Variants in DDX60 observed in about 807,000 individuals in gnomAD.
DDX60 encodes DExD/H-box helicase 60, also known as probable ATP-dependent RNA helicase DDX60.
DDX60 carries 165 observed loss-of-function variants against 212.8 expected under a neutral mutation model. That is an observed-to-expected ratio of 0.78 (90% confidence interval 0.68 to 0.88). DDX60 has a LOEUF of 0.88. DDX60 is among the 40% of genes least tolerant of loss of function. The pLI, the probability that DDX60 is intolerant of heterozygous loss-of-function variation, is 0.00. For synonymous variants in DDX60, 703 were observed against 685.3 expected, an observed-to-expected ratio of 1.03 and a Z score of -0.40; for missense variants, 1,905 against 2,003.9, an observed-to-expected ratio of 0.95 and a Z score of 0.94.
chr4:168,291,043 C>T (rs185380147), intron 8 of DDX60, among the ~76,000 whole-genome samples: 2 of 152,204 alleles, frequency 1.3e-5, no homozygotes, highest in Admixed American at 1.3e-4. Flanking sequence ...AAGGCTTATA[C>T]ACAAAGAGAA....
chr4:168,262,912 A>C (rs555947295), intron 22 of DDX60, 125 bp from the exon 23 acceptor site: 2 of 558,526 alleles, frequency 3.6e-6, no homozygotes, highest in African/African-American at 3.9e-5. Flanking sequence ...AAATGCTGAT[A>C]GGTGCTAAAT....
intron 19 of DDX60, among the ~76,000 whole-genome samples, chr4:168,271,760 G>T (rs968341028): frequency 2.0e-5 from 3 of 152,132 alleles, no homozygotes; most frequent in African/African-American, 7.2e-5. Context: ...AGGGAAACTT[G>T]TACCAGGATG....
intron 36 of DDX60, among the ~76,000 whole-genome samples, chr4:168,221,436 A>C (rs903482327): frequency 6.6e-6 from 1 of 152,196 alleles, no homozygotes; most frequent in African/African-American, 2.4e-5. Context: ...GAGAGTAATA[A>C]ATACAAATAT....
intron 22 of DDX60, among the ~76,000 whole-genome samples, chr4:168,266,903 T>C (rs1392526579): frequency 2.0e-5 from 3 of 152,216 alleles, no homozygotes. Context: ...AATCTTATGA[T>C]GGATGTCTTA....
At chr4:168,255,891 G>A (rs373085748) in intron 25 of DDX60, 22 bp from the exon 26 acceptor site, 142 of 1,562,460 alleles carry the variant, frequency 9.1e-5, no homozygotes, top group Middle Eastern at 1.7e-4. Flanking sequence ...AAGAATGTGC[G>A]CCTTGAAAAT....
At position 168,267,993 on chromosome 4, in the gene DDX60, T is replaced by C. The variant is rs1579022826; in HGVS notation, c.2787-10A>G. ...TACCGATTGTAGCCACCTTAAAAAA[T>C]AAATGTACATATTATTTAGGCAGAA... On this transcript the variant is annotated splice_polypyrimidine_tract_variant and intron_variant, in intron 20 of 37. Transcript: ENST00000393743. 1.9e-6 allele frequency: 3 copies of C among 1,602,442 alleles called. No homozygotes were observed. The highest frequency in any genetic ancestry group is 1.1e-5 in the South Asian group (1 of 88,800).
chr4:168,243,864 T>A (rs1578991305), intron 30 of DDX60, among the ~76,000 whole-genome samples: 1 of 150,522 alleles, frequency 6.6e-6, no homozygotes, highest in Admixed American at 6.6e-5. Flanking sequence ...CAAATGCCCA[T>A]TAACAATAGA....
At chr4:168,298,953 G>A (rs1315102131) in intron 6 of DDX60, among the ~76,000 whole-genome samples, 1 of 151,986 alleles carries the variant, frequency 6.6e-6, no homozygotes, top group Non-Finnish European at 1.5e-5. Flanking sequence ...ATGAGGTCAA[G>A]AGATTGAAAC....
rs774764702 is a variant in DDX60 at position 168,286,416 on chromosome 4, A to ACACACACACC, written c.1339+631_1339+632insGGTGTGTGTG. ...CACACACACACACACACACACACACACCACACGAGATAGATAGATAGATAG... is the reference window on the plus strand; with the variant it reads ...CACACACACACACACACACACACACACACACACACCCCACACGAGATAGATAGATAGATAG... On this transcript the variant is annotated intron_variant, in intron 10 of 37. Coordinates refer to ENST00000393743, the MANE Select transcript of DDX60 (RefSeq NM_017631.6). Among the ~76,000 whole-genome samples the ACACACACACC allele has an allele frequency of 1.5e-3, 171 of 115,816 alleles. 1 individual carries two copies. The highest frequency in any genetic ancestry group is 4.5e-3 in the East Asian group (22 of 4,910). 76.0% of individuals were successfully genotyped at this position (115,816 alleles called of 152,430 possible).
At position 168,220,684 on chromosome 4, in the gene DDX60, CT is replaced by C; in HGVS notation, c.5009del (p.Lys1670ArgfsTer27). On this transcript the variant is annotated frameshift_variant, in exon 37 of 38. Coordinates refer to ENST00000393743, the MANE Select transcript of DDX60 (RefSeq NM_017631.6). LOFTEE classifies it high-confidence loss of function. ...TAGATTTAATGGTGAGTGCAAAATC[CT>C]TCAACAAATAATAAGCATCTCCTTC... is the stretch of plus-strand genomic sequence containing the variant. ...MNEGDAYYLLKDFALTIKSIS... is the reference protein window; with the variant it reads ...MNEGDAYYLLXDFALTIKSIS... 6.9e-7 allele frequency: 1 copy of C among 1,455,888 alleles called. No homozygotes were observed. Among genetic ancestry groups the C allele is most frequent in the Middle Eastern group, 2.1e-4 (1 of 4,858 alleles). 90.2% of individuals were successfully genotyped at this position (1,455,888 alleles called of 1,614,324 possible). A position where few individuals can be genotyped will look rare whatever the true frequency, so the allele number is the denominator to read the frequency against.
intron 37 of DDX60, among the ~76,000 whole-genome samples, chr4:168,220,116 A>C (rs1270947113): frequency 6.6e-6 from 1 of 152,180 alleles, no homozygotes; most frequent in Non-Finnish European, 1.5e-5. Flanking sequence ...AGAATGGGGT[A>C]CCCACATAAA....
chr4:168,273,564 T>C (rs1735194883), intron 17 of DDX60, among the ~76,000 whole-genome samples, 166 bp from the exon 18 acceptor site: 1 of 152,312 alleles, frequency 6.6e-6, no homozygotes, highest in African/African-American at 2.4e-5. Flanking sequence ...CTCTTTGAGA[T>C]AGTTGACTCA....
At chr4:168,298,624 T>C (rs1477148873) in intron 6 of DDX60, among the ~76,000 whole-genome samples, 1 of 152,082 alleles carries the variant, frequency 6.6e-6, no homozygotes, top group East Asian at 1.9e-4. Flanking sequence ...AGAAACTCTA[T>C]AGAGAAACTC....
chr4:168,276,146 C>A lies in DDX60; in HGVS notation c.2014G>T (p.Val672Leu). ...ATCAAGGAGTGGATCCTTTTCATCA[C>A]CTGAACAGCTATACTTAAATCTTTC... ...TTKDLSIAVQ[V>L]MKRIHSLMEK... Residue 672 changes from valine to leucine, a missense_variant, in exon 15 of 38, where the codon GTG (valine) becomes TTG (leucine). By Grantham distance (32) the Val-to-Leu change is conservative. Coordinates refer to ENST00000393743, the MANE Select transcript of DDX60 (RefSeq NM_017631.6). 1.2e-6 allele frequency: 2 copies of A among 1,612,266 alleles called. No homozygotes were observed. Among genetic ancestry groups the A allele is most frequent in the Non-Finnish European group, 8.5e-7 (1 of 1,178,990 alleles).
rs1486653618 is a variant in DDX60 at position 168,255,810 on chromosome 4, T to G, written c.3458A>C (p.Lys1153Thr). The G allele has an allele frequency of 6.2e-7, 1 of 1,608,322 alleles. No individual in the cohort carries two copies. Among genetic ancestry groups the G allele is most frequent in the East Asian group, 2.2e-5 (1 of 44,708 alleles). Residue 1153 changes from lysine (K) to threonine (T), a missense_variant, in exon 26 of 38, where the codon AAG (lysine) becomes ACG (threonine). Physicochemically the swap from Lys to Thr is moderately conservative, Grantham distance 78. Coordinates refer to ENST00000393743, the MANE Select transcript of DDX60 (RefSeq NM_017631.6). ...TTTGGGAGGCCTTTTTGTCTCCTGC[T>G]TTTTCTTTAGGAAAGTGCTCACACT... ...AESVSTFLKK[K>T]QETKRPPKAD...
chr4:168,265,540 C>T (rs1004770792), intron 22 of DDX60: 1 of 152,098 alleles, frequency 6.6e-6, no homozygotes, highest in Non-Finnish European at 1.5e-5. Context: ...AACAGCATGA[C>T]CTTTGCAGAA....
intron 19 of DDX60, among the ~76,000 whole-genome samples, chr4:168,271,721 G>GGTC (rs980730685): frequency 6.6e-6 from 1 of 152,144 alleles, no homozygotes; most frequent in African/African-American, 2.4e-5. Context: ...TTACTTTAGA[G>GGTC]GTCAAAGATT....
intron 1 of DDX60, 62 bp from the exon 2 acceptor site, chr4:168,311,427 A>C (rs2149554387): frequency 3.4e-4 from 206 of 612,316 alleles, no homozygotes; most frequent in East Asian, 7.7e-4. Context: ...TGACTACTAT[A>C]TGTAAAGCAA....
rs1734284643 is a variant in DDX60 at position 168,253,197 on chromosome 4, T to C, written c.3558-541A>G. Reference sequence around the variant, plus strand: ...CATCATGAGAAAATTCTATCACATATTGATATTTTCTGGGATGTTCCTTTT... The same window carrying C: ...CATCATGAGAAAATTCTATCACATACTGATATTTTCTGGGATGTTCCTTTT... On this transcript the variant is annotated intron_variant, in intron 26 of 37. Coordinates refer to ENST00000393743, the MANE Select transcript of DDX60 (RefSeq NM_017631.6). Among the ~76,000 whole-genome samples the C allele has an allele frequency of 1.3e-5, 2 of 152,180 alleles. 1 individual carries two copies. The highest frequency in any genetic ancestry group is 4.1e-4 in the South Asian group (2 of 4,830).
Sources: allele counts gnomAD v4.1 joint callset (sites outside exome capture counted in the v4.1 genomes callset), GRCh38; gene constraint gnomAD v4.1.1; transcripts MANE v1.5; gene names NCBI Gene and HGNC (gene_info 2026-07-23, HGNC 2026-07-21).